HSPG2: variants seen among roughly 807,000 people sequenced by gnomAD.
HSPG2 encodes heparan sulfate proteoglycan 2.
In HSPG2, 278 loss-of-function variants were observed where a neutral mutation model predicts 526.6. The ratio of observed to expected loss-of-function variants is 0.53; its 90% CI spans 0.48 to 0.58. HSPG2 has a LOEUF of 0.58. Ranked by LOEUF, HSPG2 falls within the 20% of genes least tolerant of loss-of-function variation. The pLI is 0.00. For missense variants in HSPG2, 5,354 were observed against 6,099.5 expected (o/e 0.88, Z 4.07); for synonymous variants, 2,465 against 2,555.4 (o/e 0.96, Z 1.07).
rs2152754477 is a variant in HSPG2 at position 21,880,677 on chromosome 1, C to A, written c.1977G>T (p.Gln659His). ...HTPTQPGALN[Q>H]RQVQFSEEHW... ...CCACCTCAGAGAACTGGACCTGGCG[C>A]TGGTTCAGAGCACCAGGTTGGGTGG... The change falls in exon 15 of 97, where the codon CAG (glutamine) becomes CAT (histidine). Residue 659 changes from glutamine to histidine, a missense_variant. By Grantham distance (24) the Gln-to-His change is conservative. Transcript: ENST00000374695. 1 of 1,596,924 alleles carries A rather than the reference C, an allele frequency of 6.3e-7. No individual in the cohort carries two copies. The highest frequency in any genetic ancestry group is 8.5e-7 in the Non-Finnish European group (1 of 1,172,186).
chr1:21,887,754 C>T lies in HSPG2; in HGVS notation c.704-80G>A. On this transcript the variant is annotated intron_variant, in intron 7 of 96. Coordinates refer to ENST00000374695, the MANE Select transcript of HSPG2 (RefSeq NM_005529.7). This position sits in a 1 kb window ranked among gnomAD's most constrained non-coding sequence, Gnocchi z 5.0. ...CCTTGTCCCCAACCCTCCCCAGGCC[C>T]ACCCTGTACTCCCCAACACCACTCC... The T allele has an allele frequency of 1.3e-6, 2 of 1,594,812 alleles. No homozygotes were observed. The highest frequency in any genetic ancestry group is 1.7e-6 in the Non-Finnish European group (2 of 1,163,746).
rs780698968 is a variant in HSPG2 at position 21,874,907 on chromosome 1, C to A, written c.3398G>T (p.Arg1133Leu). The change falls in exon 26 of 97, where the codon CGT becomes CTT. Residue 1133 changes from arginine (R) to leucine (L), a missense_variant. Coordinates refer to ENST00000374695, the MANE Select transcript of HSPG2 (RefSeq NM_005529.7). The stretch of plus-strand genomic sequence containing the variant: ...AGGACTCACCTGGCAGGACGGCCCA[C>A]GGTACCCGGGTGGGCAGGAGCACTG... ...VEQCSCPPGY[R>L]GPSCQDCDTG... The A allele has an allele frequency of 8.1e-6, 13 of 1,612,334 alleles. No individual in the cohort carries two copies. Among genetic ancestry groups the A allele is most frequent in the Admixed American group, 5.0e-5 (3 of 59,880 alleles).
In HSPG2 at chr1:21,852,739, C is replaced by G; in HGVS notation, c.6685G>C (p.Ala2229Pro). 6.2e-7 allele frequency: 1 copy of G among 1,613,474 alleles called. No individual in the cohort carries two copies. Among genetic ancestry groups the G allele is most frequent in the Non-Finnish European group, 8.5e-7 (1 of 1,180,026 alleles). The change falls in exon 52 of 97, where the codon GCC becomes CCC. Residue 2229 changes from alanine to proline, a missense_variant. Ala to Pro is a conservative substitution (Grantham distance 27). Transcript: ENST00000374695. ...GCTTCGATGGTGACCAGGACTGAGG[C>G]CTCTAGGGGGCCGGAGGTGCCCACC... ...HVVGTSGPLE[A>P]SVLVTIEASV... is the part of the protein sequence containing the mutation.
At chr1:21,845,015 G>A (rs1211302142) in intron 64 of HSPG2, among the ~76,000 whole-genome samples, 2 of 152,108 alleles carry the variant, frequency 1.3e-5, no homozygotes, top group African/African-American at 4.8e-5. Context: ...TGGGAGGCCG[G>A]GCTGGGCGGA....
intron 55 of HSPG2, 39 bp downstream of exon 55, chr1:21,851,507 G>A (rs537717510): frequency 1.1e-5 from 17 of 1,612,416 alleles, no homozygotes; most frequent in Admixed American, 1.7e-5. Flanking sequence ...CCAGGGACCC[G>A]CTTCCTCTTC....
In HSPG2 at chr1:21,857,023, T is replaced by A; in HGVS notation, c.5567A>T (p.His1856Leu). 10 of 1,614,060 alleles carry A rather than the reference T, an allele frequency of 6.2e-6. No individual in the cohort carries two copies. Among genetic ancestry groups the A allele is most frequent in the Non-Finnish European group, 8.5e-6 (10 of 1,179,980 alleles). The change falls in exon 44 of 97, where the codon CAT (histidine) becomes CTT (leucine). Residue 1856 changes from histidine to leucine, a missense_variant. Coordinates refer to ENST00000374695, the MANE Select transcript of HSPG2 (RefSeq NM_005529.7). ...FAMDQGTATLHVQASGTLSAP... is the reference protein window; with the variant it reads ...FAMDQGTATLLVQASGTLSAP... ...ATAGATGGGAGGTGTACCCTGCACA[T>A]GTAGAGTGGCTGTGCCCTGGTCCAT...
At position 21,850,301 on chromosome 1, in the gene HSPG2, T is replaced by C. The variant is rs1638787234; in HGVS notation, c.7294+62A>G. On this transcript the variant is annotated intron_variant, in intron 56 of 96. Coordinates refer to ENST00000374695, the MANE Select transcript of HSPG2 (RefSeq NM_005529.7). ...CGGCTTGGCCTCCTGATCCTGCCGT[T>C]GCAAGAGTGGGGGGCCTCCCACCCT... 10 of 1,607,400 alleles carry C rather than the reference T, an allele frequency of 6.2e-6. No homozygotes were observed. The South Asian group carries it at 9.9e-5, about 16-fold the overall frequency.
intron 74 of HSPG2, 70 bp downstream of exon 74, chr1:21,838,755 T>G: frequency 6.5e-7 from 1 of 1,540,646 alleles, no homozygotes; most frequent in Non-Finnish European, 8.9e-7. Context: ...CACCCGAGTC[T>G]GCCTAGCTGG....
At chr1:21,880,888 C>T (rs141879728) in intron 14 of HSPG2, 53 bp from the exon 15 acceptor site, 17,382 of 1,524,760 alleles carry the variant, frequency 0.011, 158 homozygotes, top group South Asian at 0.023. Context: ...CTTGACACCT[C>T]GTGCCTATGA....
chr1:21,830,167 C>G (rs1261577304), intron 85 of HSPG2, 76 bp from the exon 86 acceptor site: 1 of 1,168,834 alleles, frequency 8.6e-7, no homozygotes, highest in African/African-American at 1.5e-5. Context: ...CAGAGGTCTG[C>G]CCATCACACC....
chr1:21,857,173 C>T lies in HSPG2; in HGVS notation c.5417G>A (p.Trp1806Ter). 1 of 1,614,092 alleles carries T rather than the reference C, an allele frequency of 6.2e-7. No homozygotes were observed. Among genetic ancestry groups the T allele is most frequent in the East Asian group, 2.2e-5 (1 of 44,870 alleles). ...CAGTTTCCCGTTGTGCAGGCGGGTC[C>T]ACACCAGGGTATAGGCTGGGGACTG... is the stretch of plus-strand genomic sequence containing the variant. ...KSKSPAYTLVWTRLHNGKLPT... is the reference protein window; with the variant it reads ...KSKSPAYTLV Residue 1806 changes from tryptophan (W) to a stop codon, truncating the protein, a stop_gained, in exon 44 of 97, where the codon TGG becomes TAG. Transcript: ENST00000374695. LOFTEE classifies it high-confidence loss of function.
At chr1:21,889,390 G>GTGTGGC (rs1324890336) in intron 6 of HSPG2, among the ~76,000 whole-genome samples, 2 of 152,214 alleles carry the variant, frequency 1.3e-5, no homozygotes, top group Admixed American at 6.5e-5. Flanking sequence ...CCTAACCGCT[G>GTGTGGC]TGTGGCTTTG....
In HSPG2 at chr1:21,831,315, C is replaced by G; in HGVS notation, c.11462G>C (p.Arg3821Pro). ...GLSSGFIGCV[R>P]ELRIQGEEIV... is the part of the protein sequence containing the mutation. ...CTCCTCGCCCTGGATGCGCAGCTCC[C>G]GGACACAGCCTGGGAGGTGAGTGGG... The change falls in exon 84 of 97, where the codon CGG (arginine) becomes CCG (proline). Residue 3821 changes from arginine to proline, a missense_variant. Coordinates refer to ENST00000374695, the MANE Select transcript of HSPG2 (RefSeq NM_005529.7). 6.2e-7 allele frequency: 1 copy of G among 1,613,958 alleles called. No individual in the cohort carries two copies. The highest frequency in any genetic ancestry group is 8.5e-7 in the Non-Finnish European group (1 of 1,179,882).
chr1:21,895,032 C>T lies in HSPG2; in HGVS notation c.244+890G>A, dbSNP rs187380784. On this transcript the variant is annotated intron_variant, in intron 3 of 96. Coordinates refer to ENST00000374695, the MANE Select transcript of HSPG2 (RefSeq NM_005529.7). The surrounding 1 kb of genome is among the most constrained non-coding windows in gnomAD (Gnocchi z 4.1). ...GCTACCCACTGGCATTTGAAGGCCC[C>T]GGATATGTCAGCTAAAGGGAGGTGA... is the stretch of plus-strand genomic sequence containing the variant. Among the ~76,000 whole-genome samples the T allele has an allele frequency of 3.6e-3, 555 of 152,324 alleles. 10 individuals are homozygous for T. Among genetic ancestry groups the T allele is most frequent in the Admixed American group, 0.035 (532 of 15,304 alleles).
intron 37 of HSPG2, among the ~76,000 whole-genome samples, chr1:21,863,875 A>C (rs1640020039): frequency 6.6e-6 from 1 of 152,176 alleles, no homozygotes; most frequent in African/African-American, 2.4e-5. Context: ...GAAAAAGAAA[A>C]AAATAGTAAA....
Position 21,862,040 on chromosome 1 carries a change from T to A in HSPG2, c.4816A>T (p.Thr1606Ser). ...GCACAGGGCTGGCAGTCCTCAGGCG[T>A]CCCGGCTGTGGCATCTCCGTAGTAG... ...PGYYGDATAG[T>S]PEDCQPCACP... Residue 1606 changes from threonine (T) to serine (S), a missense_variant, in exon 38 of 97, where the codon ACG (threonine) becomes TCG (serine). Thr to Ser is a moderately conservative substitution (Grantham distance 58, BLOSUM62 1). Transcript: ENST00000374695. 1 of 1,614,146 alleles carries A rather than the reference T, an allele frequency of 6.2e-7. No individual in the cohort carries two copies.
At chr1:21,885,817 C>T (rs1003450650) in intron 9 of HSPG2, among the ~76,000 whole-genome samples, 4 of 152,342 alleles carry the variant, frequency 2.6e-5, no homozygotes, top group East Asian at 1.9e-4. Flanking sequence ...CATCTCTGGG[C>T]GCCAGCAATG....
At position 21,858,011 on chromosome 1, in the gene HSPG2, G is replaced by C. The variant is rs186116052; in HGVS notation, c.5294-626C>G. On this transcript the variant is annotated intron_variant, in intron 42 of 96. Transcript: ENST00000374695. This position sits in a 1 kb window ranked among gnomAD's most constrained non-coding sequence, Gnocchi z 4.2. ...CTTCTCATGCGATCACTTCGGTCCA[G>C]AGTGCATTCTAGGATTTCCCATTTC... Among the ~76,000 whole-genome samples, 19 of 152,260 alleles carry C rather than the reference G, an allele frequency of 1.2e-4. No individual in the cohort carries two copies. Among genetic ancestry groups the C allele is most frequent in the Admixed American group, 9.8e-4 (15 of 15,290 alleles).
rs1640130989 is a variant in HSPG2, at chr1:21,865,209, G to A, written c.4395+76C>T. ...AAGGTTGGGGAGCGAGAGACAGGGTGGGTATCAAAGCCAGGCTCTGAGTCA... is the reference window on the plus strand; with the variant it reads ...AAGGTTGGGGAGCGAGAGACAGGGTAGGTATCAAAGCCAGGCTCTGAGTCA... On this transcript the variant is annotated intron_variant, in intron 35 of 96. Transcript: ENST00000374695. The surrounding 1 kb of genome is among the most constrained non-coding windows in gnomAD (Gnocchi z 5.4). 1 of 1,519,086 alleles carries A rather than the reference G, an allele frequency of 6.6e-7. No homozygotes were observed. Among genetic ancestry groups the A allele is most frequent in the Admixed American group, 1.7e-5 (1 of 59,902 alleles). 94.1% of individuals were successfully genotyped at this position (1,519,086 alleles called of 1,614,324 possible).
Sources: gnomAD v4.1 joint callset for allele counts (sites outside exome capture counted in the v4.1 genomes callset) on GRCh38, gnomAD v4.1.1 for gene constraint, Gnocchi (gnomAD v3.1) non-coding constraint, MANE v1.5 for transcripts, NCBI Gene and HGNC (gene_info 2026-07-23, HGNC 2026-07-21) for gene names.